CEP63: variants seen among roughly 807,000 people sequenced by gnomAD.
CEP63 encodes centrosomal protein 63, also known as centrosomal protein of 63 kDa.
Under a neutral mutation model 89.1 loss-of-function variants are expected in CEP63, and 84 were observed. The ratio of observed to expected loss-of-function variants is 0.94; its 90% CI spans 0.79 to 1.13. The LOEUF is 1.13. Among genes scored for constraint, CEP63 ranks in the 50% most tolerant of loss-of-function variants. The pLI, the probability that CEP63 is intolerant of heterozygous loss-of-function variation, is 0.00. For synonymous variants in CEP63, 267 were observed against 272.5 expected, an observed-to-expected ratio of 0.98 and a Z score of 0.20; for missense variants, 838 against 813.3, an observed-to-expected ratio of 1.03 and a Z score of -0.37.
intron 10 of CEP63, among the ~76,000 whole-genome samples, chr3:134,583,107 A>T (rs565062141): frequency 6.6e-6 from 1 of 151,978 alleles, no homozygotes; most frequent in East Asian, 1.9e-4. Context: ...AGGTTGCAAA[A>T]TTTTTCTCCC....
At chr3:134,592,640 A>G (rs887979911), downstream of CEP63, among the ~76,000 whole-genome samples, 1 of 152,018 alleles carries the variant, frequency 6.6e-6, no homozygotes, top group Non-Finnish European at 1.5e-5. Flanking sequence ...TTTCTCAGTG[A>G]TACCCTCCAG....
At chr3:134,655,407 C>T in the CEP63 span, among the ~76,000 whole-genome samples, 15 of 152,346 alleles carry the variant, frequency 9.8e-5, no homozygotes, top group African/African-American at 2.4e-4. Flanking sequence ...GCAGGAGTTA[C>T]GGCACAGCAC....
At chr3:134,533,016 T>A in intron 5 of CEP63, 116 bp downstream of exon 5, 1 of 1,061,640 alleles carries the variant, frequency 9.4e-7, no homozygotes, top group Non-Finnish European at 1.4e-6. Flanking sequence ...GGACTGCCAC[T>A]AAGCTATTTC....
At chr3:134,604,762 A>T in the CEP63 span, among the ~76,000 whole-genome samples, 1 of 152,242 alleles carries the variant, frequency 6.6e-6, no homozygotes, top group Admixed American at 6.5e-5. Flanking sequence ...ATTTATCCCA[A>T]GCTGTATGTG....
chr3:134,610,160 G>T, the CEP63 span: 5 of 1,587,600 alleles, frequency 3.1e-6, no homozygotes, highest in Non-Finnish European at 4.3e-6. Flanking sequence ...ACTTCCACCT[G>T]CCAGACGCCC....
At chr3:134,603,757 C>T in the CEP63 span, 12 of 1,612,296 alleles carry the variant, frequency 7.4e-6, no homozygotes, top group Non-Finnish European at 1.0e-5. Flanking sequence ...TTTGGCAATA[C>T]CATGCAGCTT....
intron 3 of CEP63, among the ~76,000 whole-genome samples, chr3:134,527,430 C>T (rs979816090): frequency 6.6e-6 from 1 of 152,096 alleles, no homozygotes. Flanking sequence ...CTGGTGGAGG[C>T]AGGGCTGGCT....
the CEP63 span, among the ~76,000 whole-genome samples, chr3:134,781,253 T>G: frequency 6.6e-6 from 1 of 151,452 alleles, no homozygotes; most frequent in African/African-American, 2.4e-5. Flanking sequence ...AAATTATAGA[T>G]TTTTTTTGTA....
Position 134,581,679 on chromosome 3 carries a change from A to ATTTTTTTT in CEP63, c.1207-5772_1207-5765dup, listed in dbSNP as rs1231214008. Among the ~76,000 whole-genome samples, 71 of 124,186 alleles carry ATTTTTTTT rather than the reference A, an allele frequency of 5.7e-4. 4 individuals carry two copies. In the East Asian group the frequency reaches 7.5e-3, roughly 13 times the overall value. 81.5% of individuals were successfully genotyped at this position (124,186 alleles called of 152,430 possible). A position where few individuals can be genotyped will look rare whatever the true frequency, so the allele number is the denominator to read the frequency against. On this transcript the variant is annotated intron_variant, in intron 10 of 10. Transcript: ENST00000683931. ...CTCAATACACATTCATGATGAAAAC[A>ATTTTTTTT]TTTTTTTTTTTTTTGAGACGGAGTC...
chr3:134,624,319 C>T, the CEP63 span, among the ~76,000 whole-genome samples: 2 of 152,240 alleles, frequency 1.3e-5, no homozygotes, highest in Admixed American at 1.3e-4. Flanking sequence ...GAAGGATGTC[C>T]TCAACTTATG....
rs966283419 is a variant in CEP63 at position 134,561,578 on chromosome 3, A to G, written c.*43A>G. 7 of 1,579,688 alleles carry G rather than the reference A, an allele frequency of 4.4e-6. No individual in the cohort carries two copies. The highest frequency in any genetic ancestry group is 6.0e-6 in the Non-Finnish European group (7 of 1,160,800). Reference sequence around the variant, plus strand: ...TATCTTGGAAATAAAAATAAACACCAAAGAGTTACTGTCATCTGAAGTAGC... The same window carrying G: ...TATCTTGGAAATAAAAATAAACACCGAAGAGTTACTGTCATCTGAAGTAGC... On this transcript the variant is annotated 3_prime_UTR_variant, in exon 15 of 15. Transcript: ENST00000675561.
intron 2 of CEP63, 128 bp from the exon 3 acceptor site, chr3:134,506,981 A>G: frequency 5.5e-6 from 3 of 547,536 alleles, no homozygotes; most frequent in Non-Finnish European, 9.8e-6. Flanking sequence ...GTAATTTATT[A>G]ATTTACATTA....
chr3:134,659,877 C>G, the CEP63 span, among the ~76,000 whole-genome samples: 1 of 152,168 alleles, frequency 6.6e-6, no homozygotes, highest in Non-Finnish European at 1.5e-5. Context: ...AGGGGGCATG[C>G]GGGAGATTTT....
At chr3:134,651,015 C>T in the CEP63 span, 1 of 1,609,598 alleles carries the variant, frequency 6.2e-7, no homozygotes, top group Non-Finnish European at 8.5e-7. Context: ...GCTGCTTGCG[C>T]TGCAAATGGC....
chr3:134,581,737 G>A (rs1199697603), intron 10 of CEP63, among the ~76,000 whole-genome samples: 10 of 117,202 alleles, frequency 8.5e-5, no homozygotes, highest in Non-Finnish European at 5.0e-5. Flanking sequence ...GTGCAGTGGC[G>A]CGATCTCGGC....
chr3:134,760,229 T>G, the CEP63 span, among the ~76,000 whole-genome samples: 1 of 151,944 alleles, frequency 6.6e-6, no homozygotes, highest in Non-Finnish European at 1.5e-5. Context: ...CGGCTAATTT[T>G]TTGTATTTTT....
the CEP63 span, among the ~76,000 whole-genome samples, chr3:134,644,116 C>T: frequency 2.6e-4 from 39 of 152,194 alleles, no homozygotes; most frequent in African/African-American, 7.2e-4. Flanking sequence ...TGAGCCACCG[C>T]GCCCGGCCGA....
chr3:134,651,346 C>G, the CEP63 span: 25 of 1,154,406 alleles, frequency 2.2e-5, no homozygotes, highest in African/African-American at 4.1e-4. Flanking sequence ...TGAGCGCTGC[C>G]TCATCCCCAC....
intron 3 of CEP63, among the ~76,000 whole-genome samples, chr3:134,526,435 T>C (rs1475272816): frequency 6.6e-6 from 1 of 152,186 alleles, no homozygotes; most frequent in Non-Finnish European, 1.5e-5. Context: ...TGTAGTGTGC[T>C]TTTCAGCTCT....
Sources: gnomAD v4.1 joint callset for allele counts (sites outside exome capture counted in the v4.1 genomes callset) on GRCh38, gnomAD v4.1.1 for gene constraint, MANE v1.5 for transcripts, NCBI Gene and HGNC (gene_info 2026-07-23, HGNC 2026-07-21) for gene names.